The following ZMYM6 variants were observed in gnomAD, a reference collection of about 807,000 sequenced individuals.
The protein encoded by ZMYM6 is zinc finger MYM-type containing 6, also known as zinc finger MYM-type protein 6.
ZMYM6 carries 90 observed loss-of-function variants against 134.0 expected under a neutral mutation model. The ratio of observed to expected loss-of-function variants is 0.67; its 90% CI spans 0.57 to 0.80. The LOEUF is 0.80. Among genes scored for constraint, ZMYM6 ranks in the 30% least tolerant of loss-of-function variants. The pLI is 0.00. For missense variants in ZMYM6, 1,362 were observed against 1,533.9 expected (o/e 0.89, Z 1.87); for synonymous variants, 481 against 524.1 (o/e 0.92, Z 1.12).
chr1:35,011,061 G>A, intron 8 of ZMYM6, 25 bp from the exon 9 acceptor site: 1 of 1,595,152 alleles, frequency 6.3e-7, no homozygotes, highest in Non-Finnish European at 8.5e-7. Context: ...ATAAGGTAAA[G>A]ATTTTATCAA....
chr1:34,988,143 G>A lies in ZMYM6; in HGVS notation c.2939C>T (p.Thr980Ile). The change falls in exon 16 of 16, where the codon ACC (threonine) becomes ATC (isoleucine). Residue 980 changes from threonine to isoleucine, a missense_variant. Thr to Ile is a moderately conservative substitution (Grantham distance 89). This residue lies in a region of ZMYM6 where 824 missense variants were observed against 940.9 expected (regional missense o/e 0.88). Transcript: ENST00000357182. Reference protein sequence around the residue: ...LNWKHCVGLCTDGAASMTGRY... With the variant: ...LNWKHCVGLCIDGAASMTGRY... ...GCCAGTCATGCTTGCAGCCCCATCG[G>A]TACAGAGACCAACACAATGTTTCCA... is the stretch of plus-strand genomic sequence containing the variant. The A allele has an allele frequency of 6.4e-7, 1 of 1,551,202 alleles. No individual in the cohort carries two copies. The highest frequency in any genetic ancestry group is 8.7e-7 in the Non-Finnish European group (1 of 1,146,938).
intron 2 of ZMYM6, chr1:35,030,111 C>A: frequency 6.5e-6 from 1 of 154,712 alleles, no homozygotes; most frequent in Non-Finnish European, 1.4e-5. Context: ...ACAAAAAAAT[C>A]ATGTAGTTAT....
At position 35,010,563 on chromosome 1, in the gene ZMYM6, G is replaced by A; in HGVS notation, c.1376C>T (p.Ser459Phe). The A allele has an allele frequency of 6.2e-7, 1 of 1,613,230 alleles. No homozygotes were observed. Among genetic ancestry groups the A allele is most frequent in the South Asian group, 1.1e-5 (1 of 90,818 alleles). The change falls in exon 10 of 16, where the codon TCT becomes TTT. Residue 459 changes from serine to phenylalanine, a missense_variant. Coordinates refer to ENST00000357182, the MANE Select transcript of ZMYM6 (RefSeq NM_007167.4). ...KMFLFCGKNC[S>F]DEYKKKNKVV... ...TTTATTTTTCTTCTTGTATTCATCAGAGCAATTCTTGCCACAAAACAGAAA... is the reference window on the plus strand; with the variant it reads ...TTTATTTTTCTTCTTGTATTCATCAAAGCAATTCTTGCCACAAAACAGAAA...
chr1:35,017,964 A>C (rs1241654134), intron 4 of ZMYM6: 1 of 152,202 alleles, frequency 6.6e-6, no homozygotes, highest in African/African-American at 2.4e-5. Flanking sequence ...TTACTCTTTC[A>C]GATTAGTTTC....
chr1:35,005,086 C>T (rs753604565), intron 13 of ZMYM6, 46 bp downstream of exon 13: 1 of 1,607,890 alleles, frequency 6.2e-7, no homozygotes, highest in Non-Finnish European at 8.5e-7. Context: ...GGCTAGACAA[C>T]ACTCACTTCT....
intron 4 of ZMYM6, chr1:35,017,578 C>A (rs1205177673): frequency 6.6e-6 from 1 of 152,136 alleles, no homozygotes; most frequent in African/African-American, 2.4e-5. Context: ...AAAAACCACA[C>A]CTTCCAACAA....
At chr1:34,996,581 T>C (rs1640789304) in intron 14 of ZMYM6, among the ~76,000 whole-genome samples, 1 of 151,604 alleles carries the variant, frequency 6.6e-6, no homozygotes, top group Non-Finnish European at 1.5e-5. Flanking sequence ...TGTGTGTATG[T>C]GTGTGTGTGT....
intron 13 of ZMYM6, among the ~76,000 whole-genome samples, chr1:35,004,294 A>G (rs1447594245): frequency 2.0e-5 from 3 of 152,314 alleles, no homozygotes; most frequent in African/African-American, 7.2e-5. Context: ...AGTACCTCTG[A>G]GCCTTCTATG....
intron 14 of ZMYM6, among the ~76,000 whole-genome samples, chr1:35,002,761 T>C (rs989402927): frequency 1.3e-5 from 2 of 152,184 alleles, no homozygotes; most frequent in Non-Finnish European, 2.9e-5. Context: ...TGTTCTAAAG[T>C]TATTAAATTT....
chr1:35,005,091 A>C (rs1262261858), intron 13 of ZMYM6, 41 bp downstream of exon 13: 2 of 1,609,906 alleles, frequency 1.2e-6, no homozygotes, highest in African/African-American at 2.7e-5. Flanking sequence ...GACAACACTC[A>C]CTTCTATGGC....
chr1:35,008,319 C>T (rs373231569), intron 11 of ZMYM6, among the ~76,000 whole-genome samples: 5 of 152,162 alleles, frequency 3.3e-5, no homozygotes, highest in Admixed American at 1.3e-4. Flanking sequence ...ACTGTAGCTA[C>T]CATTGTTAGC....
At chr1:35,005,788 T>C (rs2148450349) in intron 12 of ZMYM6, among the ~76,000 whole-genome samples, 1 of 152,306 alleles carries the variant, frequency 6.6e-6, no homozygotes, top group East Asian at 1.9e-4. Flanking sequence ...TCCAACCCCA[T>C]AACACTAGTT....
At chr1:35,011,844 G>T in intron 8 of ZMYM6, 46 bp downstream of exon 8, 2 of 1,310,222 alleles carry the variant, frequency 1.5e-6, no homozygotes, top group South Asian at 1.7e-5. Context: ...GCCACAGATC[G>T]ATGCCTAACA....
At chr1:35,023,986 A>G (rs1641360453) in intron 2 of ZMYM6, among the ~76,000 whole-genome samples, 1 of 152,126 alleles carries the variant, frequency 6.6e-6, no homozygotes, top group African/African-American at 2.4e-5. Flanking sequence ...TATTTCTGTT[A>G]TATTTCCCTG....
intron 14 of ZMYM6, among the ~76,000 whole-genome samples, chr1:34,998,215 T>G (rs776874676): frequency 6.6e-6 from 1 of 151,660 alleles, no homozygotes; most frequent in African/African-American, 2.4e-5. Flanking sequence ...GAGGCGGAGG[T>G]TGAAATGAGC....
At chr1:35,023,751 A>G (rs1641354408) in intron 2 of ZMYM6, among the ~76,000 whole-genome samples, 1 of 151,338 alleles carries the variant, frequency 6.6e-6, no homozygotes, top group East Asian at 1.9e-4. Flanking sequence ...CCTCCGGAGT[A>G]GCTGGGACTA....
intron 2 of ZMYM6, among the ~76,000 whole-genome samples, chr1:35,021,667 T>C (rs1569791038): frequency 6.6e-6 from 1 of 152,238 alleles, no homozygotes; most frequent in South Asian, 2.1e-4. Context: ...CTGAATGATT[T>C]AGAGTTTGGA....
At chr1:35,000,138 G>A (rs947891681) in intron 14 of ZMYM6, among the ~76,000 whole-genome samples, 2 of 152,016 alleles carry the variant, frequency 1.3e-5, no homozygotes, top group Non-Finnish European at 2.9e-5. Context: ...GTTTCATCAT[G>A]TTGCCCAGGC....
rs1569763563 is a variant in ZMYM6, at chr1:35,005,056, CAA to C, written c.1954+74_1954+75del. On this transcript the variant is annotated intron_variant, in intron 13 of 15. Transcript: ENST00000357182. ...CTGGGCAACAAGAGTGAAACTGTCT[CAA>C]AAAGAGAGAACTACTTAGGCTAGAC... 4.5e-6 allele frequency: 7 copies of C among 1,559,992 alleles called. No homozygotes were observed. In the East Asian group the frequency reaches 1.6e-4, roughly 35 times the overall value.
Sources: gnomAD v4.1 joint callset for allele counts (sites outside exome capture counted in the v4.1 genomes callset) on GRCh38, gnomAD v4.1.1 for gene constraint, gnomAD v4.1.1 regional missense constraint, MANE v1.5 for transcripts, NCBI Gene and HGNC (gene_info 2026-07-23, HGNC 2026-07-21) for gene names.